Variants in IMMP2L observed in about 807,000 individuals in gnomAD.
IMMP2L encodes inner mitochondrial membrane peptidase subunit 2, also known as mitochondrial inner membrane protease subunit 2.
Under a neutral mutation model 19.3 loss-of-function variants are expected in IMMP2L, and 18 were observed. That is an observed-to-expected ratio of 0.93 (90% CI 0.64 to 1.38). The LOEUF (loss-of-function observed/expected upper bound fraction) is 1.38, where lower values mean the gene tolerates loss of function less well. Ranked by LOEUF, IMMP2L falls within the 40% of genes most tolerant of loss-of-function variation. IMMP2L has a pLI of 0.00. For missense variants in IMMP2L, 233 were observed against 218.2 expected, an observed-to-expected ratio of 1.07 and a Z score of -0.43; for synonymous variants, 76 against 73.0, an observed-to-expected ratio of 1.04 and a Z score of -0.21.
At chr7:111,452,471 T>C (rs1391264510) in intron 3 of IMMP2L, among the ~76,000 whole-genome samples, 1 of 152,174 alleles carries the variant, frequency 6.6e-6, no homozygotes, top group Non-Finnish European at 1.5e-5. Flanking sequence ...TTATTTCCAA[T>C]AAATTATATA....
At chr7:110,823,571 T>C (rs1353047436) in intron 5 of IMMP2L, among the ~76,000 whole-genome samples, 2 of 152,094 alleles carry the variant, frequency 1.3e-5, no homozygotes, top group Non-Finnish European at 2.9e-5. Flanking sequence ...GCTAAATAAA[T>C]TTCAGTTTGT....
At chr7:111,265,917 G>C (rs971171298) in intron 3 of IMMP2L, among the ~76,000 whole-genome samples, 1 of 152,142 alleles carries the variant, frequency 6.6e-6, no homozygotes, top group African/African-American at 2.4e-5. Context: ...ACATGACTGG[G>C]TTAATGACTG....
intron 2 of IMMP2L, among the ~76,000 whole-genome samples, chr7:111,507,612 C>A (rs1726394813): frequency 6.6e-6 from 1 of 152,144 alleles, no homozygotes; most frequent in Admixed American, 6.6e-5. Flanking sequence ...AACTGCCACC[C>A]AGTCCCCAAA....
chr7:111,281,142 GAAAGAC>G (rs879932504), intron 3 of IMMP2L, among the ~76,000 whole-genome samples: 15,742 of 84,264 alleles, frequency 0.19, 1,853 homozygotes, highest in South Asian at 0.39. Context: ...GAGAAAGACA[GAAAGAC>G]AGAAAGACAG....
At chr7:111,084,800 A>G (rs1796173891) in intron 3 of IMMP2L, among the ~76,000 whole-genome samples, 1 of 152,170 alleles carries the variant, frequency 6.6e-6, no homozygotes, top group Non-Finnish European at 1.5e-5. Flanking sequence ...CAACTGACAA[A>G]GTAGGTAGAA....
chr7:111,186,964 C>T (rs1342641153), intron 3 of IMMP2L, among the ~76,000 whole-genome samples: 2 of 151,794 alleles, frequency 1.3e-5, no homozygotes, highest in Non-Finnish European at 2.9e-5. Flanking sequence ...GTTTTAATAC[C>T]TTTTTGTCTC....
At chr7:111,266,061 A>T (rs956754932) in intron 3 of IMMP2L, among the ~76,000 whole-genome samples, 2 of 152,104 alleles carry the variant, frequency 1.3e-5, no homozygotes, top group African/African-American at 4.8e-5. Context: ...CATACTTTAA[A>T]CATGTTTAAA....
intron 3 of IMMP2L, among the ~76,000 whole-genome samples, chr7:111,154,252 A>G (rs1450093723): frequency 4.6e-5 from 7 of 152,086 alleles, no homozygotes; most frequent in African/African-American, 1.7e-4. Context: ...TATTTCTAAA[A>G]CCCAACTGCT....
intron 3 of IMMP2L, among the ~76,000 whole-genome samples, chr7:111,164,761 T>TA (rs1162449773): frequency 2.0e-5 from 3 of 152,192 alleles, no homozygotes; most frequent in Non-Finnish European, 2.9e-5. Flanking sequence ...TGAAGTCACT[T>TA]AATTCAAACA....
At chr7:110,952,017 G>C (rs1341722505) in intron 4 of IMMP2L, among the ~76,000 whole-genome samples, 1 of 152,066 alleles carries the variant, frequency 6.6e-6, no homozygotes, top group Non-Finnish European at 1.5e-5. Flanking sequence ...GACTCTTTCT[G>C]ACATGCTTCT....
At chr7:111,416,084 T>C (rs1834930914) in intron 3 of IMMP2L, among the ~76,000 whole-genome samples, 1 of 151,972 alleles carries the variant, frequency 6.6e-6, no homozygotes, top group East Asian at 1.9e-4. Flanking sequence ...AATTATTACA[T>C]GTAGATCTAC....
chr7:111,159,400 T>C (rs894429116), intron 3 of IMMP2L, among the ~76,000 whole-genome samples: 1 of 151,998 alleles, frequency 6.6e-6, no homozygotes, highest in Non-Finnish European at 1.5e-5. Context: ...AAGTGTGAGC[T>C]CCCACGCCTG....
rs34279428 is a variant in IMMP2L, at chr7:110,886,658, G to A, written c.343C>T (p.Arg115Cys). Reference protein sequence around the residue: ...GHKNRYVKVPRGHIWVEGDHH... With the variant: ...GHKNRYVKVPCGHIWVEGDHH... ...TCACCTTCAACCCAGATGTGACCAC[G>A]GGGGACTTTGACATACCGGTTTTTG... Residue 115 changes from arginine to cysteine, a missense_variant, in exon 5 of 6, where the codon CGT becomes TGT. Arg to Cys is a radical substitution (Grantham distance 180). Transcript: ENST00000405709. 2.5e-4 allele frequency: 403 copies of A among 1,607,176 alleles called. 2 individuals are homozygous for A. In the African/African-American group the frequency reaches 4.9e-3, roughly 19 times the overall value.
At chr7:110,664,311 G>T (rs998186642) in intron 5 of IMMP2L, among the ~76,000 whole-genome samples, 2 of 152,018 alleles carry the variant, frequency 1.3e-5, no homozygotes, top group Non-Finnish European at 2.9e-5. Context: ...GAGACTGGGT[G>T]GGCTGTCTCC....
At chr7:111,307,559 T>A (rs571534290) in intron 3 of IMMP2L, among the ~76,000 whole-genome samples, 2 of 151,702 alleles carry the variant, frequency 1.3e-5, no homozygotes, top group Non-Finnish European at 3.0e-5. Flanking sequence ...ATATAACATA[T>A]AAACTTTGCA....
intron 3 of IMMP2L, among the ~76,000 whole-genome samples, chr7:111,368,684 T>C (rs1830009689): frequency 6.6e-6 from 1 of 151,990 alleles, no homozygotes; most frequent in Non-Finnish European, 1.5e-5. Context: ...AGTCAATCTG[T>C]TTCCTTTACT....
At chr7:110,932,393 G>C (rs1005485590) in intron 4 of IMMP2L, among the ~76,000 whole-genome samples, 1 of 151,680 alleles carries the variant, frequency 6.6e-6, no homozygotes, top group African/African-American at 2.4e-5. Flanking sequence ...TCACTCTGTC[G>C]CCCAGGCTGG....
At chr7:111,546,092 T>C (rs748360173) in intron 1 of IMMP2L, among the ~76,000 whole-genome samples, 2 of 152,134 alleles carry the variant, frequency 1.3e-5, no homozygotes, top group African/African-American at 4.8e-5. Context: ...TCATTATATA[T>C]ACTATAATTT....
chr7:111,119,514 A>T (rs535493275), intron 3 of IMMP2L, among the ~76,000 whole-genome samples: 1 of 152,326 alleles, frequency 6.6e-6, no homozygotes, highest in African/African-American at 2.4e-5. Context: ...TTTTCTCTTA[A>T]AGTCTAACAT....
Sources: gnomAD v4.1 joint callset for allele counts (sites outside exome capture counted in the v4.1 genomes callset) on GRCh38, gnomAD v4.1.1 for gene constraint, MANE v1.5 for transcripts, NCBI Gene and HGNC (gene_info 2026-07-23, HGNC 2026-07-21) for gene names.